ZNF516: variants seen among roughly 807,000 people sequenced by gnomAD.
The protein encoded by ZNF516 is zinc finger protein 516.
In ZNF516, 19 loss-of-function variants were observed where a neutral mutation model predicts 79.7. That is an observed-to-expected ratio of 0.24 (90% confidence interval 0.17 to 0.35). The LOEUF is 0.35. Among genes scored for constraint, ZNF516 ranks in the 10% least tolerant of loss-of-function variants. The pLI, the probability that ZNF516 is intolerant of heterozygous loss-of-function variation, is 1.00. For synonymous variants in ZNF516, 877 were observed against 739.5 expected (o/e 1.19, Z -3.02); for missense variants, 1,678 against 1,679.5 (o/e 1.00, Z 0.02).
chr18:76,468,600 T>C (rs1171692794), intron 1 of ZNF516, among the ~76,000 whole-genome samples: 1 of 151,868 alleles, frequency 6.6e-6, no homozygotes, highest in Non-Finnish European at 1.5e-5. Context: ...TTCTATTTTT[T>C]GTAGAGACGA....
At chr18:76,462,209 G>C (rs759358450) in intron 2 of ZNF516, among the ~76,000 whole-genome samples, 1 of 152,178 alleles carries the variant, frequency 6.6e-6, no homozygotes, top group African/African-American at 2.4e-5. Context: ...AGTGGGGAGC[G>C]GGCAGGACTT....
chr18:76,402,124 C>A (rs552075633), intron 3 of ZNF516, among the ~76,000 whole-genome samples: 1 of 152,192 alleles, frequency 6.6e-6, no homozygotes, highest in Non-Finnish European at 1.5e-5. Context: ...AGCCTTAGCC[C>A]CGCGCCTTCT....
chr18:76,443,182 A>C lies in ZNF516; in HGVS notation c.-128T>G. 1 of 1,358,014 alleles carries C rather than the reference A, an allele frequency of 7.4e-7. No homozygotes were observed. The highest frequency in any genetic ancestry group is 9.7e-7 in the Non-Finnish European group (1 of 1,035,652). The allele number at this position is 1,358,014 out of a possible 1,614,324, so 84.1% of individuals were successfully genotyped here. A position where few individuals can be genotyped will look rare whatever the true frequency, so the allele number is the denominator to read the frequency against. On this transcript the variant is annotated 5_prime_UTR_variant, in exon 3 of 7. The change abolishes an upstream ATG in the 5' untranslated region. Coordinates refer to ENST00000443185, the MANE Select transcript of ZNF516 (RefSeq NM_014643.4). ...TGCTCCCAGGAGGTGCACCTTCTAC[A>C]TGGGGGGCGCAGCAGCTGGCAGCCA...
chr18:76,397,744 T>C (rs900783818), intron 3 of ZNF516, among the ~76,000 whole-genome samples: 13 of 152,128 alleles, frequency 8.5e-5, no homozygotes, highest in Non-Finnish European at 1.5e-5. Flanking sequence ...TCTACAGGCG[T>C]GTGCTACCAT....
intron 1 of ZNF516, among the ~76,000 whole-genome samples, chr18:76,472,388 A>G (rs1913896584): frequency 6.6e-6 from 1 of 151,906 alleles, no homozygotes; most frequent in Admixed American, 6.6e-5. Flanking sequence ...GCATAGGCTC[A>G]CTACACGGGC....
intron 6 of ZNF516, among the ~76,000 whole-genome samples, chr18:76,366,502 A>G (rs2074614236): frequency 2.0e-5 from 3 of 152,220 alleles, no homozygotes; most frequent in Admixed American, 2.0e-4. Context: ...CAAACAAAAC[A>G]AAGAGAAGCA....
rs577349789 is a variant in ZNF516, at chr18:76,358,464, G to A, written c.*4034C>T. The A allele has an allele frequency of 1.4e-4, 22 of 152,302 alleles. No individual in the cohort carries two copies. The highest frequency in any genetic ancestry group is 4.1e-4 in the South Asian group (2 of 4,828). The allele number at this position is 152,302 out of a possible 1,614,324, so 9.4% of individuals were successfully genotyped here. A position where few individuals can be genotyped will look rare whatever the true frequency, so the allele number is the denominator to read the frequency against. On this transcript the variant is annotated 3_prime_UTR_variant, in exon 7 of 7. Transcript: ENST00000443185. Reference sequence around the variant, plus strand: ...GAAGAATGAACATTTTCCCTTGGGCGGGTGGCCCTTGGTCACTCCCACAGG... The same window carrying A: ...GAAGAATGAACATTTTCCCTTGGGCAGGTGGCCCTTGGTCACTCCCACAGG...
chr18:76,432,689 G>A (rs72975930), intron 3 of ZNF516, among the ~76,000 whole-genome samples: 41,792 of 152,124 alleles, frequency 0.27, 7,049 homozygotes, highest in East Asian at 0.45. Context: ...TCAGGCCCAC[G>A]GCCCTCTGTA....
At chr18:76,371,610 G>A (rs763392135) in intron 4 of ZNF516, 39 bp from the exon 5 acceptor site, 5 of 1,574,352 alleles carry the variant, frequency 3.2e-6, no homozygotes, top group Non-Finnish European at 3.5e-6. Flanking sequence ...GGGCCGTGGT[G>A]GGGTTGGCGT....
At chr18:76,433,522 T>C (rs2075689884) in intron 3 of ZNF516, among the ~76,000 whole-genome samples, 2 of 152,154 alleles carry the variant, frequency 1.3e-5, no homozygotes. Flanking sequence ...CATTCCACCC[T>C]GGGTGCCGTA....
intron 2 of ZNF516, among the ~76,000 whole-genome samples, chr18:76,461,034 T>C (rs185426045): frequency 3.3e-5 from 5 of 152,000 alleles, no homozygotes; most frequent in Non-Finnish European, 7.4e-5. Flanking sequence ...AAAAAAAAAT[T>C]AGCCGGGCGT....
chr18:76,366,458 C>T (rs2074613041), intron 6 of ZNF516, among the ~76,000 whole-genome samples: 1 of 152,202 alleles, frequency 6.6e-6, no homozygotes, highest in South Asian at 2.1e-4. Flanking sequence ...TGCATCCTCT[C>T]TTTAATGAAT....
intron 1 of ZNF516, among the ~76,000 whole-genome samples, chr18:76,486,700 AAC>A (rs1914854018): frequency 6.9e-6 from 1 of 145,052 alleles, no homozygotes. Context: ...AAAAAAAAAA[AAC>A]ACCAGATTCC....
Position 76,441,344 on chromosome 18 carries a change from G to A in ZNF516, c.1711C>T (p.Pro571Ser). Reference sequence around the variant, plus strand: ...TCAGCAGCGGCACAGGCGGAGCCAGGGCTGCTGGGCTGGGAGGCCGAGTCA... The same window carrying A: ...TCAGCAGCGGCACAGGCGGAGCCAGAGCTGCTGGGCTGGGAGGCCGAGTCA... ...EGDSASQPSS[P>S]GSACAAADSP... The change falls in exon 3 of 7, where the codon CCT becomes TCT. Residue 571 changes from proline (P) to serine (S), a missense_variant. Transcript: ENST00000443185. 6.2e-7 allele frequency: 1 copy of A among 1,611,650 alleles called. No individual in the cohort carries two copies. The highest frequency in any genetic ancestry group is 8.5e-7 in the Non-Finnish European group (1 of 1,179,452).
At chr18:76,461,035 A>G (rs545731023) in intron 2 of ZNF516, among the ~76,000 whole-genome samples, 3 of 152,252 alleles carry the variant, frequency 2.0e-5, no homozygotes, top group African/African-American at 7.2e-5. Flanking sequence ...AAAAAAAATT[A>G]GCCGGGCGTG....
intron 2 of ZNF516, among the ~76,000 whole-genome samples, chr18:76,462,433 G>A (rs1044228628): frequency 1.8e-4 from 27 of 152,296 alleles, no homozygotes; most frequent in African/African-American, 6.5e-4. Flanking sequence ...CGCCGTCAGG[G>A]CAGGTCTCAG....
intron 3 of ZNF516, among the ~76,000 whole-genome samples, chr18:76,407,172 G>A (rs576362586): frequency 1.3e-5 from 2 of 152,138 alleles, no homozygotes; most frequent in South Asian, 4.1e-4. Context: ...TCAACACTCT[G>A]GAAGGCCAAG....
intron 3 of ZNF516, among the ~76,000 whole-genome samples, chr18:76,414,452 T>C (rs956624077): frequency 1.3e-5 from 2 of 152,244 alleles, no homozygotes; most frequent in African/African-American, 2.4e-5. Flanking sequence ...TGTCACTATG[T>C]ATACCAGCTG....
intron 3 of ZNF516, among the ~76,000 whole-genome samples, chr18:76,384,438 G>A (rs1395570675): frequency 1.5e-4 from 16 of 105,574 alleles, no homozygotes; most frequent in Non-Finnish European, 2.7e-4. Context: ...CGGTTCTCAC[G>A]CCCCGTCCAC....
Sources: allele counts gnomAD v4.1 joint callset (sites outside exome capture counted in the v4.1 genomes callset), GRCh38; gene constraint gnomAD v4.1.1; transcripts MANE v1.5; gene names NCBI Gene and HGNC (gene_info 2026-07-23, HGNC 2026-07-21).